The following SGK2 variants were observed in gnomAD, a reference collection of about 807,000 sequenced individuals.
SGK2 encodes serine/threonine-protein kinase Sgk2.
SGK2 carries 36 observed loss-of-function variants against 47.5 expected under a neutral mutation model. The ratio of observed to expected loss-of-function variants is 0.76; its 90% CI spans 0.58 to 1.00. The LOEUF is 1.00. SGK2 is among the 50% of genes least tolerant of loss of function. The pLI is 0.00. For missense variants in SGK2, 404 were observed against 467.4 expected (o/e 0.86, Z 1.25); for synonymous variants, 157 against 181.9 (o/e 0.86, Z 1.10).
intron 1 of SGK2, among the ~76,000 whole-genome samples, chr20:43,564,378 G>A (rs931024176): frequency 1.3e-5 from 2 of 152,240 alleles, no homozygotes; most frequent in African/African-American, 2.4e-5. Context: ...TTTGGGAGGC[G>A]AAGGGCTCTC....
intron 6 of SGK2, among the ~76,000 whole-genome samples, chr20:43,570,396 A>T (rs1980020900): frequency 6.6e-6 from 1 of 152,218 alleles, no homozygotes; most frequent in Non-Finnish European, 1.5e-5. Flanking sequence ...CCTGGAACAC[A>T]GGAGGTGCTT....
At chr20:43,576,432 C>T (rs1191822232) in intron 11 of SGK2, 53 bp downstream of exon 11, 1 of 1,521,498 alleles carries the variant, frequency 6.6e-7, no homozygotes. Context: ...CAGCTTCCTG[C>T]AGAGGCAGCT....
rs146335125 is a variant in SGK2 at position 43,562,601 on chromosome 20, C to T, written c.-24+3442C>T. On this transcript the variant is annotated intron_variant, in intron 1 of 12. Coordinates refer to ENST00000373100, the MANE Select transcript of SGK2 (RefSeq NM_170693.3). ...ACTAAAAATACAAAAATTAGCCAGG[C>T]GCAGTGGCGGGTGCCTGTAATCCCA... Among the ~76,000 whole-genome samples, 1,341 of 151,076 alleles carry T rather than the reference C, an allele frequency of 8.9e-3. 12 individuals carry two copies. The highest frequency in any genetic ancestry group is 0.026 in the African/African-American group (1,081 of 41,146).
intron 4 of SGK2, 95 bp downstream of exon 4, chr20:43,567,817 C>G: frequency 6.5e-7 from 1 of 1,548,238 alleles, no homozygotes; most frequent in Non-Finnish European, 8.9e-7. Context: ...AGAGAGCACT[C>G]GCACCTGCAG....
At chr20:43,564,586 T>G (rs1451297518) in intron 1 of SGK2, among the ~76,000 whole-genome samples, 1 of 152,056 alleles carries the variant, frequency 6.6e-6, no homozygotes, top group Non-Finnish European at 1.5e-5. Context: ...CACATATTAA[T>G]AGACACCCAT....
chr20:43,566,312 A>G (rs780467979), intron 1 of SGK2, 161 bp from the exon 2 acceptor site: 2 of 1,604,390 alleles, frequency 1.2e-6, no homozygotes, highest in South Asian at 2.2e-5. Context: ...TTCTTGTTCC[A>G]TCCATGCAGG....
intron 11 of SGK2, among the ~76,000 whole-genome samples, chr20:43,577,834 G>A (rs746891462): frequency 2.6e-5 from 4 of 151,822 alleles, no homozygotes; most frequent in Non-Finnish European, 5.9e-5. Context: ...TAGTAGAGAC[G>A]GGGTTTCACT....
chr20:43,564,465 C>T (rs1416422549), intron 1 of SGK2, among the ~76,000 whole-genome samples: 4 of 152,206 alleles, frequency 2.6e-5, no homozygotes, highest in South Asian at 4.1e-4. Context: ...CACAGGCCCC[C>T]TAGCCGCACG....
intron 12 of SGK2, 90 bp from the exon 13 acceptor site, chr20:43,584,762 C>A: frequency 1.0e-6 from 1 of 991,656 alleles, no homozygotes; most frequent in Non-Finnish European, 1.5e-6. Context: ...GGGGCACTCA[C>A]AGAGGCCTGA....
intron 3 of SGK2, 30 bp from the exon 4 acceptor site, chr20:43,567,635 G>A: frequency 3.1e-6 from 5 of 1,611,020 alleles, no homozygotes; most frequent in Non-Finnish European, 4.2e-6. Flanking sequence ...CATTGCAAAT[G>A]CTGATCCGTG....
intron 7 of SGK2, 41 bp from the exon 8 acceptor site, chr20:43,570,983 G>A (rs995774748): frequency 6.2e-6 from 10 of 1,612,172 alleles, no homozygotes; most frequent in East Asian, 4.5e-5. Context: ...CTCACTAAAT[G>A]GCTGAGACAC....
chr20:43,562,419 A>T (rs78062385), intron 1 of SGK2, among the ~76,000 whole-genome samples: 1 of 71,530 alleles, frequency 1.4e-5, no homozygotes, highest in African/African-American at 9.0e-5. Context: ...CCATGTCTCA[A>T]AAAAAAAAAA....
At chr20:43,581,326 T>G (rs1489902999) in intron 12 of SGK2, among the ~76,000 whole-genome samples, 2 of 152,208 alleles carry the variant, frequency 1.3e-5, no homozygotes, top group South Asian at 2.1e-4. Context: ...AATACAATTT[T>G]TAGTGGCTGC....
At chr20:43,583,332 G>C (rs1980909523) in intron 12 of SGK2, 1 of 1,282,506 alleles carries the variant, frequency 7.8e-7, no homozygotes, top group African/African-American at 1.5e-5. Context: ...ACACTCCGGA[G>C]CTGGATTCCT....
intron 12 of SGK2, 53 bp downstream of exon 12, chr20:43,580,114 C>A: frequency 8.7e-7 from 1 of 1,151,174 alleles, no homozygotes. Context: ...GGGGAGCTTG[C>A]TATGCTTGCC....
Position 43,585,177 on chromosome 20 carries a change from G to T in SGK2, c.*161G>T. 3.3e-6 allele frequency: 2 copies of T among 604,986 alleles called. No homozygotes were observed. The highest frequency in any genetic ancestry group is 1.8e-5 in the African/African-American group (1 of 54,104). 37.5% of individuals were successfully genotyped at this position (604,986 alleles called of 1,614,324 possible). On this transcript the variant is annotated 3_prime_UTR_variant, in exon 13 of 13. Transcript: ENST00000373100. ...AATAATGTTTCGGAGTCCAGGACTGGCAGGACAGGTCATCAGATACTCAGA... is the reference window on the plus strand; with the variant it reads ...AATAATGTTTCGGAGTCCAGGACTGTCAGGACAGGTCATCAGATACTCAGA...
intron 8 of SGK2, 146 bp downstream of exon 8, chr20:43,571,206 G>T: frequency 7.6e-7 from 1 of 1,308,106 alleles, no homozygotes; most frequent in Non-Finnish European, 1.1e-6. Context: ...GAGCATATGT[G>T]TGTGTGCCCA....
chr20:43,572,191 T>C lies in SGK2; in HGVS notation c.597+54T>C. 1 of 1,336,568 alleles carries C rather than the reference T, an allele frequency of 7.5e-7. No homozygotes were observed. Among genetic ancestry groups the C allele is most frequent in the Non-Finnish European group, 1.0e-6 (1 of 952,972 alleles). 82.8% of individuals were successfully genotyped at this position (1,336,568 alleles called of 1,614,324 possible). Reference sequence around the variant, plus strand: ...GGTCATGAGTGGGTGAGGCCACAGCTCCTGATTAGAGCCAACAGGTTACAG... The same window carrying C: ...GGTCATGAGTGGGTGAGGCCACAGCCCCTGATTAGAGCCAACAGGTTACAG... On this transcript the variant is annotated intron_variant, in intron 9 of 12. Transcript: ENST00000373100. The surrounding 1 kb of genome is among the most constrained non-coding windows in gnomAD (Gnocchi z 4.2).
At chr20:43,571,218 G>C (rs778195448) in intron 8 of SGK2, among the ~76,000 whole-genome samples, 158 bp downstream of exon 8, 1 of 152,208 alleles carries the variant, frequency 6.6e-6, no homozygotes, top group Non-Finnish European at 1.5e-5. Context: ...GTGTGCCCAT[G>C]CACATGTACA....
Sources: allele counts gnomAD v4.1 joint callset (sites outside exome capture counted in the v4.1 genomes callset), GRCh38; gene constraint gnomAD v4.1.1; non-coding constraint Gnocchi (gnomAD v3.1); transcripts MANE v1.5; gene names NCBI Gene and HGNC (gene_info 2026-07-23, HGNC 2026-07-21).